The following LRRC28 variants were observed in gnomAD, a reference collection of about 807,000 sequenced individuals.
The protein encoded by LRRC28 is leucine-rich repeat-containing protein 28.
In LRRC28, 39 loss-of-function variants were observed where a neutral mutation model predicts 45.7. The observed-to-expected ratio is 0.85, with a 90% CI of 0.66 to 1.12. The LOEUF (loss-of-function observed/expected upper bound fraction) is 1.12, where lower values mean the gene tolerates loss of function less well. Ranked by LOEUF, LRRC28 falls within the 50% of genes most tolerant of loss-of-function variation. The probability of loss-of-function intolerance (pLI) is 0.00; values close to 1 mark genes in which losing one functional copy is unlikely to be tolerated. For synonymous variants in LRRC28, 206 were observed against 178.8 expected, an observed-to-expected ratio of 1.15 and a Z score of -1.22; for missense variants, 435 against 438.5, an observed-to-expected ratio of 0.99 and a Z score of 0.07.
chr15:99,383,936 A>G (rs571653960), intron 9 of LRRC28, among the ~76,000 whole-genome samples: 4 of 152,200 alleles, frequency 2.6e-5, no homozygotes, highest in Non-Finnish European at 5.9e-5. Context: ...TCATATTCTG[A>G]GGTATAGGTG....
At chr15:99,277,234 G>A (rs1318920257) in intron 3 of LRRC28, among the ~76,000 whole-genome samples, 1 of 151,618 alleles carries the variant, frequency 6.6e-6, no homozygotes, top group Non-Finnish European at 1.5e-5. Flanking sequence ...TTGTTATTTG[G>A]CACGATTTTC....
intron 5 of LRRC28, among the ~76,000 whole-genome samples, chr15:99,304,947 C>A (rs1597296895): frequency 6.6e-6 from 1 of 152,118 alleles, no homozygotes; most frequent in Admixed American, 6.5e-5. Flanking sequence ...TGGGCCTCCA[C>A]AACAATGTGC....
chr15:99,326,410 A>G (rs374802880), intron 5 of LRRC28: 8 of 152,136 alleles, frequency 5.3e-5, no homozygotes, highest in African/African-American at 1.4e-4. Context: ...TACTGCAAAG[A>G]TGGGCAAGAC....
intron 7 of LRRC28, among the ~76,000 whole-genome samples, chr15:99,357,945 C>T (rs893617622): frequency 1.3e-5 from 2 of 151,784 alleles, no homozygotes; most frequent in Non-Finnish European, 2.9e-5. Flanking sequence ...TCACCACTGC[C>T]ATCTGTCTAA....
At chr15:99,261,325 G>T (rs2152128743) in intron 2 of LRRC28, among the ~76,000 whole-genome samples, 1 of 152,300 alleles carries the variant, frequency 6.6e-6, no homozygotes, top group South Asian at 2.1e-4. Flanking sequence ...TTAATAGTTG[G>T]ATTGTATCCT....
At chr15:99,259,688 C>A in intron 2 of LRRC28, 1 of 1,383,948 alleles carries the variant, frequency 7.2e-7, no homozygotes, top group South Asian at 1.2e-5. Context: ...TCCCAGACAT[C>A]CGCTGATCAG....
At chr15:99,336,631 C>T (rs1455385581) in intron 6 of LRRC28, among the ~76,000 whole-genome samples, 2 of 152,304 alleles carry the variant, frequency 1.3e-5, no homozygotes, top group East Asian at 1.9e-4. Context: ...TTTCTCTCAC[C>T]TACCCACTCC....
chr15:99,352,124 C>T (rs868644068), intron 6 of LRRC28, among the ~76,000 whole-genome samples: 3 of 152,132 alleles, frequency 2.0e-5, no homozygotes, highest in Admixed American at 6.5e-5. Context: ...TTTACAGGGT[C>T]CACACGTGGA....
intron 2 of LRRC28, 140 bp from the exon 3 acceptor site, chr15:99,276,436 C>A: frequency 1.7e-6 from 1 of 572,138 alleles, no homozygotes; most frequent in Non-Finnish European, 3.0e-6. Context: ...AAGAATAAAA[C>A]CCAGACCTGC....
chr15:99,370,999 A>G (rs1038458022), intron 9 of LRRC28, among the ~76,000 whole-genome samples: 2 of 152,186 alleles, frequency 1.3e-5, no homozygotes, highest in Admixed American at 6.5e-5. Context: ...AATCCCAGCT[A>G]CTGGGAGGCT....
At chr15:99,283,974 C>T (rs1412273239) in intron 3 of LRRC28, among the ~76,000 whole-genome samples, 2 of 152,204 alleles carry the variant, frequency 1.3e-5, no homozygotes, top group South Asian at 2.1e-4. Context: ...ATTCATTTAA[C>T]TCTTACCAGG....
intron 9 of LRRC28, 98 bp downstream of exon 9, chr15:99,363,363 T>G (rs1957259900): frequency 7.7e-7 from 1 of 1,302,252 alleles, no homozygotes; most frequent in African/African-American, 1.5e-5. Context: ...GTCAGCAGTT[T>G]TAAAGGGGCA....
intron 5 of LRRC28, among the ~76,000 whole-genome samples, chr15:99,308,166 G>T (rs944375036): frequency 6.6e-6 from 1 of 152,038 alleles, no homozygotes; most frequent in African/African-American, 2.4e-5. Flanking sequence ...TTACCAACAG[G>T]GCAGGTTTTA....
At chr15:99,276,540 A>G in intron 2 of LRRC28, 36 bp from the exon 3 acceptor site, 1 of 1,527,516 alleles carries the variant, frequency 6.5e-7, no homozygotes, top group Non-Finnish European at 8.8e-7. Flanking sequence ...GACATTTTTC[A>G]AAAATAAAAT....
chr15:99,314,830 A>G (rs149521772), intron 5 of LRRC28, among the ~76,000 whole-genome samples: 229 of 152,322 alleles, frequency 1.5e-3, no homozygotes, highest in Middle Eastern at 3.4e-3. Context: ...AAGCATACAT[A>G]CAGAAATCTT....
intron 5 of LRRC28, among the ~76,000 whole-genome samples, chr15:99,327,161 A>C (rs977262120): frequency 1.3e-5 from 2 of 151,684 alleles, no homozygotes; most frequent in Non-Finnish European, 2.9e-5. Flanking sequence ...GGCAACCTCC[A>C]CCCCCCGGGT....
chr15:99,387,711 T>C lies in LRRC28; in HGVS notation c.*1609T>C, dbSNP rs1292333303. ...TTTTTTAAAATGTTTTTTAATGATG[T>C]AAGTTTTCTAAAAGGCAGGGCTGAA... On this transcript the variant is annotated 3_prime_UTR_variant, in exon 10 of 10. Transcript: ENST00000301981. 1 of 152,244 alleles carries C rather than the reference T, an allele frequency of 6.6e-6. No individual in the cohort carries two copies. Among genetic ancestry groups the C allele is most frequent in the Non-Finnish European group, 1.5e-5 (1 of 68,052 alleles). The allele number at this position is 152,244 out of a possible 1,614,324, so 9.4% of individuals were successfully genotyped here.
intron 5 of LRRC28, among the ~76,000 whole-genome samples, chr15:99,331,580 ACATCCTTT>A (rs1308046454): frequency 6.6e-6 from 1 of 152,136 alleles, no homozygotes; most frequent in East Asian, 1.9e-4. Context: ...TTTCCAAAAA[ACATCCTTT>A]CATCCTTTAA....
chr15:99,301,298 A>T lies in LRRC28; in HGVS notation c.385+13347A>T, dbSNP rs74033458. On this transcript the variant is annotated intron_variant, in intron 5 of 9. Transcript: ENST00000301981. ...TGAACATTTTAACCTTTTTCTTTTG[A>T]GACTCTTAATAAAATCAGCTTCATA... Among the ~76,000 whole-genome samples the T allele has an allele frequency of 4.0e-3, 609 of 152,284 alleles. 4 individuals are homozygous for T. The highest frequency in any genetic ancestry group is 0.014 in the African/African-American group (573 of 41,578).
Sources: allele counts gnomAD v4.1 joint callset (sites outside exome capture counted in the v4.1 genomes callset), GRCh38; gene constraint gnomAD v4.1.1; transcripts MANE v1.5; gene names NCBI Gene and HGNC (gene_info 2026-07-23, HGNC 2026-07-21).